CNTN5: variants seen among roughly 807,000 people sequenced by gnomAD.
CNTN5 encodes contactin 5.
A neutral mutation model predicts 129.1 loss-of-function variants in CNTN5; 77 were observed. The ratio of observed to expected loss-of-function variants is 0.60; its 90% CI spans 0.50 to 0.72. CNTN5 has a LOEUF of 0.72. Ranked by LOEUF, CNTN5 falls within the 30% of genes least tolerant of loss-of-function variation. The probability of loss-of-function intolerance (pLI) is 0.00; values close to 1 mark genes in which losing one functional copy is unlikely to be tolerated. For synonymous variants in CNTN5, 509 were observed against 465.6 expected (o/e 1.09, Z -1.20); for missense variants, 1,478 against 1,328.8 (o/e 1.11, Z -1.75).
At chr11:99,558,744 A>G (rs1000739905) in intron 3 of CNTN5, among the ~76,000 whole-genome samples, 10 of 152,068 alleles carry the variant, frequency 6.6e-5, no homozygotes, top group African/African-American at 1.7e-4. Context: ...ATAATTAGGA[A>G]GAGTTTGGGT....
At chr11:99,073,363 T>C (rs1262508615) in intron 1 of CNTN5, among the ~76,000 whole-genome samples, 1 of 149,418 alleles carries the variant, frequency 6.7e-6, no homozygotes, top group African/African-American at 2.5e-5. Flanking sequence ...GGTATGTCTC[T>C]TTATGGTTTG....
intron 4 of CNTN5, among the ~76,000 whole-genome samples, chr11:99,828,940 C>T (rs533020779): frequency 5.9e-5 from 9 of 151,994 alleles, no homozygotes; most frequent in East Asian, 1.9e-4. Context: ...CTATTTCCAG[C>T]GAGAATTAGA....
intron 1 of CNTN5, among the ~76,000 whole-genome samples, chr11:99,091,887 T>G (rs1260022118): frequency 1.3e-5 from 2 of 152,154 alleles, no homozygotes; most frequent in Non-Finnish European, 1.5e-5. Context: ...CTCAATGATC[T>G]TGGTCAAATA....
intron 20 of CNTN5, among the ~76,000 whole-genome samples, chr11:100,302,936 A>C (rs1349793992): frequency 6.6e-6 from 1 of 151,626 alleles, no homozygotes; most frequent in African/African-American, 2.4e-5. Context: ...TCAATAAATC[A>C]CTTGGGATAT....
At chr11:100,173,660 C>G (rs995694126) in intron 13 of CNTN5, among the ~76,000 whole-genome samples, 1 of 152,062 alleles carries the variant, frequency 6.6e-6, no homozygotes, top group African/African-American at 2.4e-5. Context: ...AAAGACAGTG[C>G]CAGAGGAGTC....
intron 13 of CNTN5, among the ~76,000 whole-genome samples, chr11:100,139,517 G>A (rs1946625083): frequency 6.6e-6 from 1 of 152,094 alleles, no homozygotes; most frequent in African/African-American, 2.4e-5. Flanking sequence ...ACCTTGACAG[G>A]AGCAGGCGCA....
chr11:99,140,473 T>G (rs137901441), intron 1 of CNTN5, among the ~76,000 whole-genome samples: 186 of 152,028 alleles, frequency 1.2e-3, no homozygotes, highest in Non-Finnish European at 2.2e-3. Context: ...TTATTTTATT[T>G]TATTTTATTT....
chr11:99,359,578 CTTA>C (rs1438017472), intron 2 of CNTN5, among the ~76,000 whole-genome samples: 2 of 149,328 alleles, frequency 1.3e-5, no homozygotes, highest in African/African-American at 4.9e-5. Context: ...TGTAAATTAC[CTTA>C]TTATATATGA....
chr11:99,133,278 T>C (rs530032274), intron 1 of CNTN5, among the ~76,000 whole-genome samples: 68 of 152,080 alleles, frequency 4.5e-4, no homozygotes, highest in African/African-American at 1.6e-3. Context: ...AAGACTTAAA[T>C]GTAAAACCAA....
Position 99,251,621 on chromosome 11 carries a change from C to T in CNTN5, c.-209-73725C>T, listed in dbSNP as rs559215234. Among the ~76,000 whole-genome samples, 9 of 151,962 alleles carry T rather than the reference C, an allele frequency of 5.9e-5. No homozygotes were observed. In the East Asian group the frequency reaches 1.4e-3, roughly 23 times the overall value. Reference sequence around the variant, plus strand: ...TACGTAAGTATCTCTTTGGAAATTGCTGATTTCTAGGGCTATAACTATAAC... The same window carrying T: ...TACGTAAGTATCTCTTTGGAAATTGTTGATTTCTAGGGCTATAACTATAAC... On this transcript the variant is annotated intron_variant, in intron 1 of 24. Transcript: ENST00000524871.
At chr11:99,796,081 G>T (rs942889452) in intron 3 of CNTN5, among the ~76,000 whole-genome samples, 1 of 152,138 alleles carries the variant, frequency 6.6e-6, no homozygotes, top group African/African-American at 2.4e-5. Context: ...TGCAATGTGG[G>T]TGGGGGGCAG....
chr11:99,513,472 T>C (rs951725746), intron 2 of CNTN5, among the ~76,000 whole-genome samples: 1 of 152,118 alleles, frequency 6.6e-6, no homozygotes, highest in Non-Finnish European at 1.5e-5. Flanking sequence ...AGGACTTTCA[T>C]AGCTAGAGAG....
At chr11:99,880,443 C>T (rs1359995258) in intron 6 of CNTN5, among the ~76,000 whole-genome samples, 1 of 151,896 alleles carries the variant, frequency 6.6e-6, no homozygotes, top group Non-Finnish European at 1.5e-5. Flanking sequence ...TTTTTTTTCA[C>T]TCGTGGTTAA....
intron 2 of CNTN5, among the ~76,000 whole-genome samples, chr11:99,520,120 G>A (rs1485514038): frequency 3.3e-5 from 5 of 152,030 alleles, no homozygotes; most frequent in South Asian, 4.1e-4. Flanking sequence ...CAACCAGAAA[G>A]TATTTGGTGA....
At chr11:99,921,379 G>A (rs1385568827) in intron 7 of CNTN5, among the ~76,000 whole-genome samples, 8 of 152,150 alleles carry the variant, frequency 5.3e-5, no homozygotes, top group Middle Eastern at 3.4e-3. Flanking sequence ...CTTTGCAGTC[G>A]CTATTCCCTA....
At chr11:99,346,455 A>G (rs1937880070) in intron 2 of CNTN5, among the ~76,000 whole-genome samples, 1 of 152,162 alleles carries the variant, frequency 6.6e-6, no homozygotes, top group Non-Finnish European at 1.5e-5. Context: ...TGTGACAGGG[A>G]TTATGATTAC....
At chr11:99,102,986 ACAGT>A (rs1273689177) in intron 1 of CNTN5, among the ~76,000 whole-genome samples, 17 of 152,280 alleles carry the variant, frequency 1.1e-4, no homozygotes, top group Admixed American at 1.1e-3. Context: ...GGGAGGCCTC[ACAGT>A]CATGGCAGAA....
intron 2 of CNTN5, among the ~76,000 whole-genome samples, chr11:99,467,410 T>A (rs1031260164): frequency 4.6e-5 from 7 of 152,208 alleles, no homozygotes; most frequent in Non-Finnish European, 1.0e-4. Flanking sequence ...TTTTCTCCTA[T>A]GGTGCTAGTT....
intron 1 of CNTN5, among the ~76,000 whole-genome samples, chr11:99,151,088 A>T (rs1860029385): frequency 6.6e-6 from 1 of 152,192 alleles, no homozygotes; most frequent in African/African-American, 2.4e-5. Context: ...ACTTATTTAG[A>T]AGCAAAAATC....
Sources: allele counts gnomAD v4.1 joint callset (sites outside exome capture counted in the v4.1 genomes callset), GRCh38; gene constraint gnomAD v4.1.1; transcripts MANE v1.5; gene names NCBI Gene and HGNC (gene_info 2026-07-23, HGNC 2026-07-21).